Variants in KCNJ6 observed in about 807,000 individuals in gnomAD.
The protein encoded by KCNJ6 is potassium inwardly rectifying channel subfamily J member 6.
Under a neutral mutation model 34.2 loss-of-function variants are expected in KCNJ6, and 9 were observed. The ratio of observed to expected loss-of-function variants is 0.26; its 90% CI spans 0.16 to 0.46. KCNJ6 has a LOEUF of 0.46. Ranked by LOEUF, KCNJ6 falls within the 20% of genes least tolerant of loss-of-function variation. The pLI is 1.00. For synonymous variants in KCNJ6, 196 were observed against 207.1 expected (o/e 0.95, Z 0.46); for missense variants, 236 against 531.3 (o/e 0.44, Z 5.46).
chr21:37,838,656 T>C (rs1283251542), intron 2 of KCNJ6, among the ~76,000 whole-genome samples: 1 of 152,232 alleles, frequency 6.6e-6, no homozygotes, highest in East Asian at 1.9e-4. Flanking sequence ...ATTTGGACAA[T>C]ACAGGCTGGT....
intron 2 of KCNJ6, among the ~76,000 whole-genome samples, chr21:37,782,217 G>C (rs1228841807): frequency 6.6e-6 from 1 of 152,160 alleles, no homozygotes; most frequent in South Asian, 2.1e-4. Context: ...AGCTGGAAAA[G>C]GCAAGGGAAA....
intron 1 of KCNJ6, among the ~76,000 whole-genome samples, chr21:37,903,776 T>C (rs2055828270): frequency 6.6e-6 from 1 of 152,008 alleles, no homozygotes; most frequent in Non-Finnish European, 1.5e-5. Context: ...TGAGTCCAGA[T>C]TCTTTACCTG....
chr21:37,647,563 GCT>G (rs1189645820), intron 3 of KCNJ6, among the ~76,000 whole-genome samples: 1 of 152,044 alleles, frequency 6.6e-6, no homozygotes, highest in African/African-American at 2.4e-5. Context: ...CTCTCATGAA[GCT>G]CTCTCACTCC....
intron 3 of KCNJ6, among the ~76,000 whole-genome samples, chr21:37,630,021 AG>A (rs2123366167): frequency 6.6e-6 from 1 of 152,292 alleles, no homozygotes; most frequent in Admixed American, 6.5e-5. Context: ...GTATTGACTT[AG>A]GTCCCAGTCC....
intron 2 of KCNJ6, chr21:37,717,302 TGAGGTTGGGAGGGCTG>T (rs765857759): frequency 6.6e-6 from 1 of 152,464 alleles, no homozygotes; most frequent in Non-Finnish European, 1.5e-5. Flanking sequence ...GGGGGGCTGT[TGAGGTTGGGAGGGCTG>T]GAGGTGGGGT....
intron 2 of KCNJ6, among the ~76,000 whole-genome samples, chr21:37,815,206 A>T (rs2055341092): frequency 6.6e-6 from 1 of 152,162 alleles, no homozygotes; most frequent in African/African-American, 2.4e-5. Flanking sequence ...ATTTTATAGC[A>T]CAACAGGGTG....
chr21:37,626,713 T>C (rs1399979022), intron 3 of KCNJ6, among the ~76,000 whole-genome samples: 1 of 152,198 alleles, frequency 6.6e-6, no homozygotes, highest in East Asian at 1.9e-4. Flanking sequence ...CAGTCATTAA[T>C]CCAGGGCTGA....
intron 3 of KCNJ6, among the ~76,000 whole-genome samples, chr21:37,686,916 T>C (rs991089329): frequency 8.0e-5 from 12 of 150,534 alleles, no homozygotes; most frequent in Non-Finnish European, 1.3e-4. Context: ...TGGGCAGAGG[T>C]GGGGTGGGCT....
intron 3 of KCNJ6, among the ~76,000 whole-genome samples, chr21:37,688,176 C>T (rs1179003219): frequency 6.6e-6 from 1 of 152,112 alleles, no homozygotes; most frequent in African/African-American, 2.4e-5. Context: ...ACTGTTCTAA[C>T]ATATTTGAAT....
intron 2 of KCNJ6, among the ~76,000 whole-genome samples, chr21:37,716,434 T>C (rs999727736): frequency 6.6e-6 from 1 of 151,146 alleles, no homozygotes; most frequent in Non-Finnish European, 1.5e-5. Context: ...GGCTAGAGTA[T>C]AGTGGCACCA....
intron 2 of KCNJ6, among the ~76,000 whole-genome samples, chr21:37,787,984 T>C (rs980510613): frequency 3.3e-5 from 5 of 152,196 alleles, no homozygotes; most frequent in Admixed American, 2.6e-4. Context: ...TTTAAGGTCA[T>C]GGACAGAAAG....
chr21:37,882,030 A>G (rs529621560), intron 1 of KCNJ6, among the ~76,000 whole-genome samples: 7 of 152,302 alleles, frequency 4.6e-5, no homozygotes, highest in Non-Finnish European at 1.5e-5. Flanking sequence ...CTTTGGAAGC[A>G]TCCAAGCAGG....
intron 2 of KCNJ6, among the ~76,000 whole-genome samples, chr21:37,806,347 G>A (rs2055293455): frequency 6.6e-6 from 1 of 152,184 alleles, no homozygotes; most frequent in Non-Finnish European, 1.5e-5. Context: ...CACTGTGTAT[G>A]TGGTATAATT....
At chr21:37,718,746 C>T (rs1427268137) in intron 2 of KCNJ6, among the ~76,000 whole-genome samples, 1 of 152,146 alleles carries the variant, frequency 6.6e-6, no homozygotes, top group Non-Finnish European at 1.5e-5. Context: ...AGCACACCAA[C>T]ATGGCACATG....
chr21:37,791,580 G>T (rs117951067), intron 2 of KCNJ6, among the ~76,000 whole-genome samples: 1 of 152,184 alleles, frequency 6.6e-6, no homozygotes, highest in Non-Finnish European at 1.5e-5. Context: ...AGGAACCAGC[G>T]TACATAAAAG....
chr21:37,749,691 C>G lies in KCNJ6; in HGVS notation c.26-34560G>C, dbSNP rs60016237. 7.1e-3 allele frequency among the ~76,000 whole-genome samples: 1,075 copies of G among 152,236 alleles called. 8 individuals carry two copies. The highest frequency in any genetic ancestry group is 0.024 in the African/African-American group (1,014 of 41,522). ...GGAAAGTTATGTTTGGGGTCATGAT[C>G]CAAAGGAACTTCTACCCTATTAGCT... On this transcript the variant is annotated intron_variant, in intron 2 of 3. Coordinates refer to ENST00000609713, the MANE Select transcript of KCNJ6 (RefSeq NM_002240.5).
At position 37,625,159 on chromosome 21, in the gene KCNJ6, C is replaced by T. The variant is rs2054305273; in HGVS notation, c.1272G>A (p.Ter424=). 6.2e-7 allele frequency: 1 copy of T among 1,611,778 alleles called. No homozygotes were observed. Among genetic ancestry groups the T allele is most frequent in the Non-Finnish European group, 8.5e-7 (1 of 1,178,330 alleles). Residue 424 remains the stop codon, a stop_retained_variant, in exon 4 of 4, where the codon TAG becomes TAA. Coordinates refer to ENST00000609713, the MANE Select transcript of KCNJ6 (RefSeq NM_002240.5). ...VANLENESKV[*] is the part of the protein sequence containing the mutation. The stretch of plus-strand genomic sequence containing the variant: ...GAGAAGGGTTTGCCCAGCTAGGGCA[C>T]TAAACTTTGGATTCATTCTCCAGGT...
chr21:37,878,978 G>A (rs2055693038), intron 1 of KCNJ6, among the ~76,000 whole-genome samples: 1 of 152,158 alleles, frequency 6.6e-6, no homozygotes, highest in Admixed American at 6.5e-5. Context: ...TGAGGGCAGG[G>A]ACCGTGTATT....
rs555961700 is a variant in KCNJ6 at position 37,720,794 on chromosome 21, G to A, written c.26-5663C>T. ...GCAATCTCGGCTCACTGCAAGCTCC[G>A]CTTCCCGGGTTCACGCCATTCTCCT... On this transcript the variant is annotated intron_variant, in intron 2 of 3. Transcript: ENST00000609713. Among the ~76,000 whole-genome samples, 45 of 149,770 alleles carry A rather than the reference G, an allele frequency of 3.0e-4. 1 individual carries two copies. The East Asian group carries it at 7.3e-3, about 24-fold the overall frequency.
Sources: allele counts gnomAD v4.1 joint callset (sites outside exome capture counted in the v4.1 genomes callset), GRCh38; gene constraint gnomAD v4.1.1; transcripts MANE v1.5; gene names NCBI Gene and HGNC (gene_info 2026-07-23, HGNC 2026-07-21).